FAM3C: variants seen among roughly 807,000 people sequenced by gnomAD.
The protein encoded by FAM3C is FAM3 metabolism regulating signaling molecule C, also known as protein FAM3C.
Under a neutral mutation model 32.5 loss-of-function variants are expected in FAM3C, and 15 were observed. The observed-to-expected ratio is 0.46, with a 90% CI of 0.31 to 0.71. The LOEUF (loss-of-function observed/expected upper bound fraction) is 0.71. Among genes scored for constraint, FAM3C ranks in the 30% least tolerant of loss-of-function variants. The pLI is 0.05. For synonymous variants in FAM3C, 75 were observed against 86.1 expected (o/e 0.87, Z 0.72); for missense variants, 175 against 274.4 (o/e 0.64, Z 2.56).
intron 3 of FAM3C, among the ~76,000 whole-genome samples, chr7:121,378,098 G>A (rs1794275367): frequency 6.6e-6 from 1 of 152,170 alleles, no homozygotes; most frequent in Admixed American, 6.5e-5. Context: ...AATTATTTGA[G>A]ATTCAATAAG....
intron 3 of FAM3C, among the ~76,000 whole-genome samples, chr7:121,375,630 G>T (rs1202491861): frequency 1.3e-5 from 2 of 152,116 alleles, no homozygotes; most frequent in East Asian, 3.9e-4. Context: ...GGCAAAGATG[G>T]GGGACAAAGG....
chr7:121,363,420 TAGAC>T (rs1486502993), intron 6 of FAM3C, among the ~76,000 whole-genome samples: 13 of 152,146 alleles, frequency 8.5e-5, no homozygotes, highest in African/African-American at 2.7e-4. Context: ...ATTAATGAAA[TAGAC>T]AGATGTTGAA....
At chr7:121,362,858 G>A in intron 7 of FAM3C, 39 bp downstream of exon 7, 4 of 1,185,434 alleles carry the variant, frequency 3.4e-6, no homozygotes, top group African/African-American at 3.0e-5. Flanking sequence ...GATTAAGTCA[G>A]TGCCAGCAAA....
Position 121,372,096 on chromosome 7 carries a change from G to C in FAM3C, c.148+14C>G. 6.3e-7 allele frequency: 1 copy of C among 1,592,236 alleles called. No homozygotes were observed. Among genetic ancestry groups the C allele is most frequent in the Non-Finnish European group, 8.6e-7 (1 of 1,162,916 alleles). On this transcript the variant is annotated intron_variant, in intron 4 of 9. Transcript: ENST00000359943. ...GAATAAATCATACATAAAATATTGA[G>C]ATGAAATACTTACAACGTGCAGCTG...
intron 8 of FAM3C, among the ~76,000 whole-genome samples, chr7:121,359,819 A>G (rs1793884217): frequency 6.6e-6 from 1 of 152,098 alleles, no homozygotes; most frequent in Non-Finnish European, 1.5e-5. Flanking sequence ...TAAAAGTATA[A>G]AAAATGTTAC....
intron 1 of FAM3C, among the ~76,000 whole-genome samples, chr7:121,387,177 ATG>A (rs1198698799): frequency 6.6e-6 from 1 of 152,140 alleles, no homozygotes; most frequent in Non-Finnish European, 1.5e-5. Flanking sequence ...TAAAATGTTC[ATG>A]TGTCACAAAA....
chr7:121,384,206 T>C lies in FAM3C; in HGVS notation c.-41-1196A>G, dbSNP rs1794419061. Among the ~76,000 whole-genome samples, 4 of 152,180 alleles carry C rather than the reference T, an allele frequency of 2.6e-5. No individual in the cohort carries two copies. In the South Asian group the frequency reaches 8.3e-4, roughly 32 times the overall value. On this transcript the variant is annotated intron_variant, in intron 1 of 9. Coordinates refer to ENST00000359943, the MANE Select transcript of FAM3C (RefSeq NM_014888.3). ...AACAACACTTAAACTGAGTTGTGTG[T>C]CATTGATTTCCTTTGTTAATTATCT...
At chr7:121,385,949 G>C (rs1414621372) in intron 1 of FAM3C, among the ~76,000 whole-genome samples, 1 of 152,156 alleles carries the variant, frequency 6.6e-6, no homozygotes, top group Non-Finnish European at 1.5e-5. Context: ...TGAAGGGTAA[G>C]TAAGAAGCTC....
chr7:121,386,638 AAT>A (rs950663262), intron 1 of FAM3C, among the ~76,000 whole-genome samples: 12 of 151,602 alleles, frequency 7.9e-5, no homozygotes, highest in Non-Finnish European at 1.6e-4. Context: ...TATTATAAGG[AAT>A]ATATGTCTAT....
chr7:121,351,360 A>C (rs1475463717), intron 8 of FAM3C, 91 bp from the exon 9 acceptor site: 4 of 1,165,822 alleles, frequency 3.4e-6, no homozygotes, highest in Admixed American at 5.6e-5. Flanking sequence ...AACATGAGAC[A>C]AAATGAGACT....
At chr7:121,367,962 T>G (rs1446594185) in intron 5 of FAM3C, among the ~76,000 whole-genome samples, 2 of 151,148 alleles carry the variant, frequency 1.3e-5, no homozygotes, top group Non-Finnish European at 2.9e-5. Flanking sequence ...TGAGACCCTG[T>G]CTCTAGGTAA....
intron 3 of FAM3C, 69 bp downstream of exon 3, chr7:121,378,841 G>T: frequency 1.4e-6 from 1 of 740,232 alleles, no homozygotes; most frequent in Non-Finnish European, 2.3e-6. Flanking sequence ...GTGACTCAGT[G>T]CTGATAACTG....
chr7:121,371,227 A>G, intron 5 of FAM3C, 73 bp downstream of exon 5: 1 of 1,516,224 alleles, frequency 6.6e-7, no homozygotes. Context: ...TTTTCAAAAT[A>G]TCCATTAAAC....
intron 8 of FAM3C, among the ~76,000 whole-genome samples, chr7:121,353,385 T>G (rs1359063137): frequency 6.6e-6 from 1 of 152,170 alleles, no homozygotes; most frequent in East Asian, 1.9e-4. Context: ...AGATTGAGCT[T>G]TATGTTTTAA....
chr7:121,372,270 C>T, intron 3 of FAM3C, 131 bp from the exon 4 acceptor site: 1 of 564,188 alleles, frequency 1.8e-6, no homozygotes, highest in East Asian at 2.8e-5. Flanking sequence ...ATGAATATCA[C>T]TTAAGAAAAA....
chr7:121,365,089 T>G (rs1185167220), intron 5 of FAM3C, among the ~76,000 whole-genome samples: 1 of 152,130 alleles, frequency 6.6e-6, no homozygotes, highest in Non-Finnish European at 1.5e-5. Context: ...CAATTTATTA[T>G]AAACTACTAA....
chr7:121,359,185 C>T (rs1793874324), intron 8 of FAM3C, among the ~76,000 whole-genome samples: 1 of 151,628 alleles, frequency 6.6e-6, no homozygotes, highest in Non-Finnish European at 1.5e-5. Flanking sequence ...TAATCATTTC[C>T]ACTTTAAAAA....
At chr7:121,382,858 C>T in intron 2 of FAM3C, 99 bp downstream of exon 2, 5 of 889,150 alleles carry the variant, frequency 5.6e-6, no homozygotes, top group Non-Finnish European at 8.7e-6. Context: ...TCAGTTTAAC[C>T]TTCTCAATAT....
chr7:121,370,462 T>C (rs150435853), intron 5 of FAM3C, among the ~76,000 whole-genome samples: 13 of 152,302 alleles, frequency 8.5e-5, no homozygotes, highest in Middle Eastern at 3.4e-3. Context: ...CTTTATTCTA[T>C]ATAATTCGTG....
Sources: allele counts gnomAD v4.1 joint callset (sites outside exome capture counted in the v4.1 genomes callset), GRCh38; gene constraint gnomAD v4.1.1; transcripts MANE v1.5; gene names NCBI Gene and HGNC (gene_info 2026-07-23, HGNC 2026-07-21).